The following KCNH1 variants were observed in gnomAD, a reference collection of about 807,000 sequenced individuals.
KCNH1 encodes potassium voltage-gated channel subfamily H member 1.
In KCNH1, 27 loss-of-function variants were observed where a neutral mutation model predicts 69.2. That is an observed-to-expected ratio of 0.39 (90% confidence interval 0.29 to 0.54). The LOEUF (loss-of-function observed/expected upper bound fraction) is 0.54, where lower values mean the gene tolerates loss of function less well. Among genes scored for constraint, KCNH1 ranks in the 20% least tolerant of loss-of-function variants. KCNH1 has a pLI of 0.68. For synonymous variants in KCNH1, 456 were observed against 487.7 expected (o/e 0.93, Z 0.86); for missense variants, 798 against 1,261.6 (o/e 0.63, Z 5.57).
chr1:210,692,358 A>T (rs748694397), intron 10 of KCNH1, among the ~76,000 whole-genome samples: 1 of 152,148 alleles, frequency 6.6e-6, no homozygotes, highest in Non-Finnish European at 1.5e-5. Flanking sequence ...TTCCTTCTCA[A>T]TGCCATCCAG....
chr1:210,792,237 C>G (rs1684225260), intron 9 of KCNH1, among the ~76,000 whole-genome samples: 1 of 152,128 alleles, frequency 6.6e-6, no homozygotes, highest in Non-Finnish European at 1.5e-5. Context: ...CACCATTTTT[C>G]CTGAGCCTCT....
intron 1 of KCNH1, among the ~76,000 whole-genome samples, chr1:211,115,356 T>G (rs773456086): frequency 2.0e-5 from 3 of 152,144 alleles, no homozygotes; most frequent in Non-Finnish European, 4.4e-5. Context: ...ATTGATTGGA[T>G]TTAAGGATGC....
intron 2 of KCNH1, 85 bp downstream of exon 2, chr1:211,107,168 GC>G: frequency 6.8e-7 from 1 of 1,462,700 alleles, no homozygotes; most frequent in Non-Finnish European, 9.5e-7. Context: ...TGAGGTAAAG[GC>G]AATTCCCGAA....
intron 5 of KCNH1, among the ~76,000 whole-genome samples, chr1:211,060,988 C>T (rs147179017): frequency 0.012 from 1,827 of 152,230 alleles, 42 homozygotes; most frequent in African/African-American, 0.042. Context: ...ATACCAAAAT[C>T]AGACAAAGAT....
At chr1:210,849,231 C>T (rs144530778) in intron 7 of KCNH1, among the ~76,000 whole-genome samples, 37 of 152,222 alleles carry the variant, frequency 2.4e-4, no homozygotes, top group African/African-American at 8.4e-4. Flanking sequence ...CAACAGAATT[C>T]CCTCTAAGAA....
intron 7 of KCNH1, among the ~76,000 whole-genome samples, chr1:210,857,554 T>C (rs928395387): frequency 6.6e-6 from 1 of 152,196 alleles, no homozygotes; most frequent in Non-Finnish European, 1.5e-5. Context: ...TTTGTCCACA[T>C]GGCTGAGACA....
At chr1:211,015,420 G>A (rs1187155731) in intron 6 of KCNH1, among the ~76,000 whole-genome samples, 2 of 152,040 alleles carry the variant, frequency 1.3e-5, no homozygotes. Flanking sequence ...TTTCTTACTT[G>A]TGTATTAAGA....
At position 210,999,841 on chromosome 1, in the gene KCNH1, G is replaced by A. The variant is rs142415447; in HGVS notation, c.1032+18942C>T. The stretch of plus-strand genomic sequence containing the variant: ...ATGATCAAGTTGGCTTCATCCCTGG[G>A]ATGCAAGGCTGGTTCAACATACCCA... On this transcript the variant is annotated intron_variant, in intron 6 of 10. Coordinates refer to ENST00000271751, the MANE Select transcript of KCNH1 (RefSeq NM_172362.3). 1.6e-3 allele frequency among the ~76,000 whole-genome samples: 239 copies of A among 152,318 alleles called. 3 individuals carry two copies. Among genetic ancestry groups the A allele is most frequent in the East Asian group, 0.014 (73 of 5,192 alleles).
At chr1:211,088,563 C>T (rs2102471459) in intron 4 of KCNH1, among the ~76,000 whole-genome samples, 1 of 152,304 alleles carries the variant, frequency 6.6e-6, no homozygotes, top group Non-Finnish European at 1.5e-5. Flanking sequence ...GGCATGATGA[C>T]ATGGCAAGTG....
intron 10 of KCNH1, among the ~76,000 whole-genome samples, chr1:210,748,210 AG>A (rs1420236912): frequency 1.3e-5 from 2 of 152,166 alleles, no homozygotes; most frequent in African/African-American, 4.8e-5. Context: ...AGACCTCCCC[AG>A]GGCGTGACGC....
In KCNH1 at chr1:210,679,501, AG is replaced by A. The variant is rs1681213910; in HGVS notation, c.*3779del. On this transcript the variant is annotated 3_prime_UTR_variant, in exon 11 of 11. Transcript: ENST00000271751. ...GGGAGACATAGTGGTCAGTGCAACA[AG>A]GGGAAATGAGAATCTTCCTATACCT... 6.6e-6 allele frequency: 1 copy of A among 152,226 alleles called. No homozygotes were observed. The highest frequency in any genetic ancestry group is 1.5e-5 in the Non-Finnish European group (1 of 68,056). The allele number at this position is 152,226 out of a possible 1,614,324, so 9.4% of individuals were successfully genotyped here. A position where few individuals can be genotyped will look rare whatever the true frequency, so the allele number is the denominator to read the frequency against.
chr1:210,857,842 C>T (rs977694917), intron 7 of KCNH1, among the ~76,000 whole-genome samples: 5 of 152,150 alleles, frequency 3.3e-5, no homozygotes, highest in African/African-American at 4.8e-5. Context: ...AATCTCTCTA[C>T]GCTGTCTTTT....
chr1:210,875,799 T>C (rs1484251240), intron 7 of KCNH1, among the ~76,000 whole-genome samples: 5 of 132,096 alleles, frequency 3.8e-5, no homozygotes, highest in African/African-American at 6.3e-5. Context: ...CAAGACACTT[T>C]CTCAAAAAAA....
chr1:211,039,472 T>C (rs910580512), intron 5 of KCNH1, among the ~76,000 whole-genome samples: 2 of 152,008 alleles, frequency 1.3e-5, no homozygotes, highest in Admixed American at 1.3e-4. Flanking sequence ...CCCAGAATGG[T>C]AGATCCAACA....
At chr1:210,844,336 C>CA (rs746971330) in intron 7 of KCNH1, among the ~76,000 whole-genome samples, 1 of 152,098 alleles carries the variant, frequency 6.6e-6, no homozygotes. Flanking sequence ...TCCTGGACAA[C>CA]ATGGGGAAAT....
chr1:210,965,698 G>C (rs1688386191), intron 6 of KCNH1, among the ~76,000 whole-genome samples: 1 of 152,072 alleles, frequency 6.6e-6, no homozygotes, highest in South Asian at 2.1e-4. Context: ...CCTCTTCAAG[G>C]AGAACTACAA....
intron 6 of KCNH1, among the ~76,000 whole-genome samples, chr1:210,932,105 C>G (rs898031917): frequency 2.0e-5 from 3 of 152,044 alleles, no homozygotes; most frequent in African/African-American, 2.4e-5. Flanking sequence ...ATATGGACAT[C>G]CACCCAGATC....
intron 6 of KCNH1, among the ~76,000 whole-genome samples, chr1:211,001,904 T>C (rs182740570): frequency 6.7e-6 from 1 of 149,628 alleles, no homozygotes; most frequent in East Asian, 2.0e-4. Flanking sequence ...CAGCAAACTA[T>C]CACAAGGACA....
chr1:210,740,732 TA>T (rs1683009281), intron 10 of KCNH1, among the ~76,000 whole-genome samples: 4 of 131,844 alleles, frequency 3.0e-5, no homozygotes, highest in Admixed American at 7.7e-5. Flanking sequence ...TTTTTTTTTT[TA>T]CTAAAAGAAA....
Sources: gnomAD v4.1 joint callset for allele counts (sites outside exome capture counted in the v4.1 genomes callset) on GRCh38, gnomAD v4.1.1 for gene constraint, MANE v1.5 for transcripts, NCBI Gene and HGNC (gene_info 2026-07-23, HGNC 2026-07-21) for gene names.